Variants in GPHN observed in about 807,000 individuals in gnomAD.
GPHN encodes gephyrin.
Under a neutral mutation model 95.5 loss-of-function variants are expected in GPHN, and 17 were observed. The ratio of observed to expected loss-of-function variants is 0.18; its 90% CI spans 0.12 to 0.27. GPHN has a LOEUF of 0.27. Among genes scored for constraint, GPHN ranks in the 10% least tolerant of loss-of-function variants. The probability of loss-of-function intolerance (pLI) is 1.00; values close to 1 mark genes in which losing one functional copy is unlikely to be tolerated. For synonymous variants in GPHN, 320 were observed against 322.5 expected (o/e 0.99, Z 0.08); for missense variants, 660 against 978.1 (o/e 0.67, Z 4.34).
At chr14:67,050,465 G>C (rs2075256768) in intron 10 of GPHN, among the ~76,000 whole-genome samples, 1 of 152,174 alleles carries the variant, frequency 6.6e-6, no homozygotes, top group African/African-American at 2.4e-5. Flanking sequence ...AGAATACAAA[G>C]ATTAATAAGA....
intron 9 of GPHN, among the ~76,000 whole-genome samples, chr14:67,001,234 T>A (rs2072203015): frequency 6.6e-6 from 1 of 151,666 alleles, no homozygotes; most frequent in African/African-American, 2.4e-5. Flanking sequence ...CAGCTTTGTA[T>A]ATACACAGAT....
the GPHN span, among the ~76,000 whole-genome samples, chr14:67,436,751 A>T: frequency 6.6e-6 from 1 of 152,120 alleles, no homozygotes; most frequent in African/African-American, 2.4e-5. Flanking sequence ...AGAGGAGAGA[A>T]ATGGCAGAGA....
chr14:67,431,636 G>A, the GPHN span, among the ~76,000 whole-genome samples: 1 of 152,068 alleles, frequency 6.6e-6, no homozygotes, highest in Admixed American at 6.6e-5. Flanking sequence ...AGGCTGCAGT[G>A]AGCTGAGATG....
intron 1 of GPHN, among the ~76,000 whole-genome samples, chr14:66,538,981 T>C (rs971289810): frequency 6.6e-6 from 1 of 152,136 alleles, no homozygotes; most frequent in Non-Finnish European, 1.5e-5. Flanking sequence ...TTTATTAGGG[T>C]CAGTCTGCAT....
chr14:66,702,167 A>G (rs980029348), intron 2 of GPHN, among the ~76,000 whole-genome samples: 2 of 152,190 alleles, frequency 1.3e-5, no homozygotes, highest in African/African-American at 2.4e-5. Flanking sequence ...CCCCTAGGGG[A>G]AGGAGTCGCC....
the GPHN span, chr14:67,208,406 A>T: frequency 6.2e-7 from 1 of 1,614,018 alleles, no homozygotes; most frequent in Non-Finnish European, 8.5e-7. Flanking sequence ...TGAAGAAAAG[A>T]TGCCTGATTT....
At position 66,746,948 on chromosome 14, in the gene GPHN, GA is replaced by G. The variant is rs2058175566; in HGVS notation, c.144-29511del. 5.9e-5 allele frequency among the ~76,000 whole-genome samples: 9 copies of G among 152,186 alleles called. No homozygotes were observed. In the South Asian group the frequency reaches 1.9e-3, roughly 32 times the overall value. The stretch of plus-strand genomic sequence containing the variant: ...GGGACTGTTCAGGGTTTGGGGCATA[GA>G]AAAATGAGGAAGAGGAGAGGGGGAA... On this transcript the variant is annotated intron_variant, in intron 2 of 22. Transcript: ENST00000478722.
At chr14:67,213,324 C>G in the GPHN span, among the ~76,000 whole-genome samples, 1 of 115,816 alleles carries the variant, frequency 8.6e-6, no homozygotes, top group Admixed American at 1.1e-4. Context: ...CTCCCCCCAC[C>G]CCACAACAGT....
chr14:66,922,747 C>G lies in GPHN; in HGVS notation c.538C>G (p.His180Asp). 5 of 1,613,310 alleles carry G rather than the reference C, an allele frequency of 3.1e-6. No individual in the cohort carries two copies. The highest frequency in any genetic ancestry group is 4.2e-6 in the Non-Finnish European group (5 of 1,179,316). Reference sequence around the variant, plus strand: ...TGCCATTGTAAAAGTAAAGGAGGTGCATGATGAACTTGAAGATTTGCCTTC... The same window carrying G: ...TGCCATTGTAAAAGTAAAGGAGGTGGATGATGAACTTGAAGATTTGCCTTC... ...RDAIVKVKEV[H>D]DELEDLPSPP... Residue 180 changes from histidine to aspartate, a missense_variant, in exon 7 of 23, where the codon CAT (histidine) becomes GAT (aspartate). By Grantham distance (81) the His-to-Asp change is moderately conservative. Transcript: ENST00000478722.
At chr14:66,760,807 A>G (rs1285854897) in intron 2 of GPHN, 5 of 519,772 alleles carry the variant, frequency 9.6e-6, no homozygotes, top group African/African-American at 5.8e-5. Flanking sequence ...TATTGATGCA[A>G]TGAAGAGAGT....
At chr14:67,029,203 G>A (rs148073260) in intron 10 of GPHN, among the ~76,000 whole-genome samples, 1 of 151,930 alleles carries the variant, frequency 6.6e-6, no homozygotes, top group Non-Finnish European at 1.5e-5. Context: ...TATATGTCTG[G>A]CTTTATACAA....
the GPHN span, among the ~76,000 whole-genome samples, chr14:67,676,507 G>T: frequency 1.3e-5 from 2 of 152,218 alleles, no homozygotes; most frequent in East Asian, 3.9e-4. Flanking sequence ...AAGGTGGGAG[G>T]ATCGCTTGAG....
chr14:66,883,279 T>G (rs2064019955), intron 5 of GPHN, among the ~76,000 whole-genome samples: 1 of 151,970 alleles, frequency 6.6e-6, no homozygotes, highest in Non-Finnish European at 1.5e-5. Flanking sequence ...TTTTCCCCTC[T>G]TTCATCTTCA....
At chr14:67,580,842 C>T in the GPHN span, 2 of 778,982 alleles carry the variant, frequency 2.6e-6, no homozygotes, top group Non-Finnish European at 4.4e-6. Context: ...CCTTAGTTTT[C>T]TTTGCTCTTC....
chr14:66,772,872 T>C (rs1021904861), intron 2 of GPHN, among the ~76,000 whole-genome samples: 2 of 152,362 alleles, frequency 1.3e-5, no homozygotes, highest in Non-Finnish European at 2.9e-5. Context: ...TTGGTATGTG[T>C]ACAATTATAC....
At chr14:67,603,996 G>GTTT in the GPHN span, among the ~76,000 whole-genome samples, 234 of 150,204 alleles carry the variant, frequency 1.6e-3, 1 homozygote, top group African/African-American at 4.3e-3. Flanking sequence ...CTTGTTTTTT[G>GTTT]TTTTTGTTTT....
intron 1 of GPHN, chr14:66,551,184 A>G (rs1008777927): frequency 6.6e-6 from 1 of 152,484 alleles, no homozygotes; most frequent in Non-Finnish European, 1.5e-5. Context: ...AAATTAAGGT[A>G]TGTGCATTGT....
the GPHN span, among the ~76,000 whole-genome samples, chr14:67,544,584 A>G: frequency 1.3e-5 from 2 of 152,260 alleles, no homozygotes; most frequent in Non-Finnish European, 2.9e-5. Context: ...TTGGCAAGAG[A>G]CTATGAAATA....
intron 17 of GPHN, among the ~76,000 whole-genome samples, chr14:67,137,629 G>A (rs897243166): frequency 6.6e-6 from 1 of 152,112 alleles, no homozygotes; most frequent in Non-Finnish European, 1.5e-5. Context: ...TCCAGGTGTG[G>A]TGGCGCACTC....
Sources: gnomAD v4.1 joint callset for allele counts (sites outside exome capture counted in the v4.1 genomes callset) on GRCh38, gnomAD v4.1.1 for gene constraint, MANE v1.5 for transcripts, NCBI Gene and HGNC (gene_info 2026-07-23, HGNC 2026-07-21) for gene names.